The following GPC6 variants were observed in gnomAD, a reference collection of about 807,000 sequenced individuals.
The protein encoded by GPC6 is glypican-6.
Under a neutral mutation model 55.2 loss-of-function variants are expected in GPC6, and 14 were observed. That is an observed-to-expected ratio of 0.25 (90% CI 0.17 to 0.40). GPC6 has a LOEUF of 0.40. Among genes scored for constraint, GPC6 ranks in the 10% least tolerant of loss-of-function variants. The pLI, the probability that GPC6 is intolerant of heterozygous loss-of-function variation, is 1.00. For synonymous variants in GPC6, 278 were observed against 259.6 expected (o/e 1.07, Z -0.68); for missense variants, 641 against 708.5 (o/e 0.90, Z 1.08).
intron 2 of GPC6, among the ~76,000 whole-genome samples, chr13:93,690,649 A>G (rs537271986): frequency 3.9e-5 from 6 of 152,146 alleles, no homozygotes; most frequent in African/African-American, 1.4e-4. Context: ...ACATTTCCAC[A>G]GAAAGCTATG....
chr13:93,798,405 G>A (rs1039963074), intron 2 of GPC6, among the ~76,000 whole-genome samples: 3 of 152,102 alleles, frequency 2.0e-5, no homozygotes, highest in Admixed American at 6.6e-5. Context: ...GTAAAATTAG[G>A]TCAGTCTACC....
chr13:93,832,688 C>G (rs1054083603), intron 3 of GPC6, among the ~76,000 whole-genome samples: 3 of 152,120 alleles, frequency 2.0e-5, no homozygotes, highest in Admixed American at 2.0e-4. Flanking sequence ...GGTGTCTCCC[C>G]TTGGTCACTC....
chr13:93,992,072 T>A lies in GPC6; in HGVS notation c.712-35657T>A, dbSNP rs1416189929. ...TTTACACATATACCCCTCTTATACA[T>A]ACATAGTTTACATAATTTATATATG... On this transcript the variant is annotated intron_variant, in intron 3 of 8. Coordinates refer to ENST00000377047, the MANE Select transcript of GPC6 (RefSeq NM_005708.5). Among the ~76,000 whole-genome samples, 4 of 151,654 alleles carry A rather than the reference T, an allele frequency of 2.6e-5. No homozygotes were observed. The East Asian group carries it at 5.8e-4, about 22-fold the overall frequency.
At chr13:94,351,706 C>T (rs957704964) in intron 6 of GPC6, among the ~76,000 whole-genome samples, 1 of 151,894 alleles carries the variant, frequency 6.6e-6, no homozygotes, top group Non-Finnish European at 1.5e-5. Flanking sequence ...TGACCTTAAC[C>T]CCCCACCCTA....
chr13:93,812,139 C>G (rs1256958013), intron 2 of GPC6, among the ~76,000 whole-genome samples: 2 of 6,880 alleles, frequency 2.9e-4, no homozygotes, highest in African/African-American at 2.4e-3. Context: ...GAGTGCAAGG[C>G]GGTGGGGGGG....
chr13:93,925,313 G>A (rs1304904611), intron 3 of GPC6, among the ~76,000 whole-genome samples: 1 of 152,102 alleles, frequency 6.6e-6, no homozygotes, highest in African/African-American at 2.4e-5. Flanking sequence ...AAATGTGGAT[G>A]ATGATTTGAG....
chr13:93,513,328 C>T (rs1881056152), intron 1 of GPC6, among the ~76,000 whole-genome samples: 2 of 152,136 alleles, frequency 1.3e-5, no homozygotes, highest in African/African-American at 4.8e-5. Context: ...TTACAATTGA[C>T]CTTTTGTTTT....
At chr13:93,872,531 C>T (rs987786488) in intron 3 of GPC6, among the ~76,000 whole-genome samples, 1 of 151,958 alleles carries the variant, frequency 6.6e-6, no homozygotes, top group Admixed American at 6.6e-5. Context: ...TGCGATTCTT[C>T]TTGGAGGCTC....
chr13:93,597,183 A>G (rs955909715), intron 2 of GPC6, among the ~76,000 whole-genome samples: 1 of 152,124 alleles, frequency 6.6e-6, no homozygotes, highest in African/African-American at 2.4e-5. Flanking sequence ...TGTTTGTCTC[A>G]TCCAGAAAAG....
At chr13:93,667,750 T>TGTCAAATTTGTATTTTTCG (rs1881204894) in intron 2 of GPC6, among the ~76,000 whole-genome samples, 1 of 151,294 alleles carries the variant, frequency 6.6e-6, no homozygotes, top group African/African-American at 2.4e-5. Flanking sequence ...TTTTTTTTTC[T>TGTCAAATTTGTATTTTTCG]GTCAAATTTG....
chr13:93,611,152 A>G lies in GPC6; in HGVS notation c.319+65731A>G, dbSNP rs879395262. ...AGTACAATTATGTAAGAAATTACTC[A>G]CTCGAGTACTATATAAACTTTGGAA... On this transcript the variant is annotated intron_variant, in intron 2 of 8. Transcript: ENST00000377047. 1.5e-4 allele frequency among the ~76,000 whole-genome samples: 23 copies of G among 152,210 alleles called. 1 individual carries two copies. The highest frequency in any genetic ancestry group is 6.8e-3 in the Middle Eastern group (2 of 294).
At chr13:93,510,630 G>A (rs1880919303) in intron 1 of GPC6, among the ~76,000 whole-genome samples, 1 of 151,928 alleles carries the variant, frequency 6.6e-6, no homozygotes, top group Non-Finnish European at 1.5e-5. Context: ...GCAAATGCAG[G>A]TATCCTTTGA....
At chr13:94,117,050 C>T (rs981557378) in intron 4 of GPC6, among the ~76,000 whole-genome samples, 11 of 152,004 alleles carry the variant, frequency 7.2e-5, no homozygotes, top group Admixed American at 2.0e-4. Context: ...ATTTCAATTA[C>T]CCTTGCAGTG....
intron 1 of GPC6, among the ~76,000 whole-genome samples, chr13:93,322,793 TA>T (rs1195527253): frequency 3.9e-5 from 6 of 152,244 alleles, no homozygotes; most frequent in South Asian, 2.1e-4. Flanking sequence ...TGTTTGTTTT[TA>T]TTTTTTTATT....
chr13:93,611,313 C>G (rs920708057), intron 2 of GPC6, among the ~76,000 whole-genome samples: 16 of 151,978 alleles, frequency 1.1e-4, no homozygotes, highest in African/African-American at 3.9e-4. Context: ...AATTATATCT[C>G]CACTGTAGCA....
At chr13:93,884,641 AT>A in intron 3 of GPC6, among the ~76,000 whole-genome samples, 1 of 152,046 alleles carries the variant, frequency 6.6e-6, no homozygotes, top group South Asian at 2.1e-4. Flanking sequence ...TGCTCTCAAA[AT>A]TTTCACCCTG....
intron 2 of GPC6, among the ~76,000 whole-genome samples, chr13:93,799,731 T>C (rs754408877): frequency 5.3e-5 from 8 of 152,326 alleles, no homozygotes; most frequent in Admixed American, 3.3e-4. Context: ...TTACTGATAC[T>C]GTATGGAAAG....
At chr13:93,302,118 G>T (rs1878701880) in intron 1 of GPC6, among the ~76,000 whole-genome samples, 1 of 152,144 alleles carries the variant, frequency 6.6e-6, no homozygotes. Flanking sequence ...GAGGGCCTCT[G>T]TTTATGAGCA....
chr13:94,228,678 G>A (rs117556820), intron 4 of GPC6, among the ~76,000 whole-genome samples: 1,538 of 151,914 alleles, frequency 0.01, 10 homozygotes, highest in Non-Finnish European at 0.017. Context: ...CACCACACAC[G>A]TACACATAGG....
Sources: gnomAD v4.1 joint callset for allele counts (sites outside exome capture counted in the v4.1 genomes callset) on GRCh38, gnomAD v4.1.1 for gene constraint, MANE v1.5 for transcripts, NCBI Gene and HGNC (gene_info 2026-07-23, HGNC 2026-07-21) for gene names.